COG5: variants seen among roughly 807,000 people sequenced by gnomAD.
The protein encoded by COG5 is conserved oligomeric Golgi complex subunit 5.
A neutral mutation model predicts 110.4 loss-of-function variants in COG5; 86 were observed. That is an observed-to-expected ratio of 0.78 (90% CI 0.65 to 0.93). The LOEUF is 0.93. Among genes scored for constraint, COG5 ranks in the 40% least tolerant of loss-of-function variants. The pLI is 0.00. For synonymous variants in COG5, 360 were observed against 334.6 expected (o/e 1.08, Z -0.83); for missense variants, 1,077 against 987.0 (o/e 1.09, Z -1.22).
intron 14 of COG5, among the ~76,000 whole-genome samples, chr7:107,260,846 A>T (rs1205210851): frequency 6.6e-6 from 1 of 152,208 alleles, no homozygotes; most frequent in Non-Finnish European, 1.5e-5. Context: ...TCTGCTGCTT[A>T]TCCTGATTTT....
intron 10 of COG5, among the ~76,000 whole-genome samples, chr7:107,339,303 C>G (rs927992664): frequency 6.6e-6 from 1 of 152,016 alleles, no homozygotes; most frequent in Non-Finnish European, 1.5e-5. Context: ...ATAAAGTGCT[C>G]AATTCAACAA....
At chr7:107,274,413 C>T (rs1185955956) in intron 14 of COG5, among the ~76,000 whole-genome samples, 1 of 152,080 alleles carries the variant, frequency 6.6e-6, no homozygotes, top group Admixed American at 6.6e-5. Flanking sequence ...ACTCTTCACC[C>T]CCTTTGTATC....
At chr7:107,546,563 G>C (rs113743312) in intron 5 of COG5, among the ~76,000 whole-genome samples, 1 of 150,966 alleles carries the variant, frequency 6.6e-6, no homozygotes, top group Admixed American at 6.6e-5. Flanking sequence ...AGCCTCCCGA[G>C]TATCTGGGAC....
intron 6 of COG5, among the ~76,000 whole-genome samples, chr7:107,440,963 T>G (rs1443337721): frequency 6.6e-6 from 1 of 152,040 alleles, no homozygotes; most frequent in African/African-American, 2.4e-5. Flanking sequence ...TAAAGAATTA[T>G]CAATCCCAGG....
chr7:107,451,230 T>C (rs560419838), intron 6 of COG5, among the ~76,000 whole-genome samples: 1 of 151,900 alleles, frequency 6.6e-6, no homozygotes, highest in African/African-American at 2.4e-5. Context: ...AAAGAAACCA[T>C]GAAAGAGATC....
At chr7:107,323,185 G>A (rs1425110064) in intron 11 of COG5, among the ~76,000 whole-genome samples, 1 of 152,118 alleles carries the variant, frequency 6.6e-6, no homozygotes, top group Non-Finnish European at 1.5e-5. Context: ...CAAAAACCAA[G>A]GAAATATACG....
At chr7:107,273,624 A>G (rs920383049) in intron 14 of COG5, among the ~76,000 whole-genome samples, 2 of 152,200 alleles carry the variant, frequency 1.3e-5, no homozygotes, top group African/African-American at 4.8e-5. Flanking sequence ...TAAATAACAA[A>G]TTTCAAAAAT....
At chr7:107,435,982 T>A (rs1350722514) in intron 6 of COG5, among the ~76,000 whole-genome samples, 1 of 152,186 alleles carries the variant, frequency 6.6e-6, no homozygotes, top group African/African-American at 2.4e-5. Context: ...TGAAATCACA[T>A]CATTCGTGGC....
chr7:107,384,830 C>G (rs1815439124), intron 7 of COG5, among the ~76,000 whole-genome samples: 1 of 152,174 alleles, frequency 6.6e-6, no homozygotes, highest in Admixed American at 6.5e-5. Context: ...ACTTTCCAAT[C>G]TCTAGAACTG....
intron 21 of COG5, 76 bp from the exon 22 acceptor site, chr7:107,203,706 A>G: frequency 1.1e-6 from 1 of 930,892 alleles, no homozygotes; most frequent in African/African-American, 1.6e-5. Flanking sequence ...CCAATATATA[A>G]AAATTATTAG....
chr7:107,283,489 A>C, intron 13 of COG5, 82 bp downstream of exon 13: 1 of 1,233,514 alleles, frequency 8.1e-7, no homozygotes, highest in Non-Finnish European at 1.2e-6. Context: ...TTTGAAAATA[A>C]ATTAAAAAGG....
intron 10 of COG5, among the ~76,000 whole-genome samples, chr7:107,351,310 A>C (rs551261418): frequency 6.6e-6 from 1 of 152,346 alleles, no homozygotes; most frequent in African/African-American, 2.4e-5. Flanking sequence ...AAATTAATTC[A>C]AGATGGATTA....
chr7:107,554,456 A>G, intron 2 of COG5, 114 bp from the exon 3 acceptor site: 1 of 922,166 alleles, frequency 1.1e-6, no homozygotes, highest in Non-Finnish European at 1.7e-6. Context: ...TACAAATACA[A>G]AAGAAAAAAC....
At chr7:107,492,480 G>T (rs1320553079) in intron 6 of COG5, among the ~76,000 whole-genome samples, 1 of 152,074 alleles carries the variant, frequency 6.6e-6, no homozygotes, top group Admixed American at 6.6e-5. Flanking sequence ...CCTTCTGGAG[G>T]CCCTTAGGGG....
intron 13 of COG5, among the ~76,000 whole-genome samples, chr7:107,283,175 C>G (rs1243318699): frequency 6.6e-6 from 1 of 152,120 alleles, no homozygotes; most frequent in Admixed American, 6.6e-5. Flanking sequence ...ATTCCTATTT[C>G]TGCCATGAAG....
chr7:107,307,744 T>G (rs1051957865), intron 11 of COG5, among the ~76,000 whole-genome samples: 6 of 152,068 alleles, frequency 3.9e-5, no homozygotes, highest in African/African-American at 1.4e-4. Flanking sequence ...TATAATGGAC[T>G]TTAGGGACAT....
chr7:107,283,881 T>C, intron 12 of COG5, 149 bp from the exon 13 acceptor site: 1 of 639,220 alleles, frequency 1.6e-6, no homozygotes, highest in Non-Finnish European at 2.7e-6. Flanking sequence ...TTTCACAACG[T>C]ACATATTTAC....
At position 107,319,866 on chromosome 7, in the gene COG5, C is replaced by T. The variant is rs917117917; in HGVS notation, c.1108+4574G>A. On this transcript the variant is annotated intron_variant, in intron 11 of 21. Coordinates refer to ENST00000297135, the MANE Select transcript of COG5 (RefSeq NM_006348.5). Reference sequence around the variant, plus strand: ...GGCCCAGCTACTCAGAAGGCCATGGCAGCAGGGTCACTGGAGGCCAGGAGT... The same window carrying T: ...GGCCCAGCTACTCAGAAGGCCATGGTAGCAGGGTCACTGGAGGCCAGGAGT... Among the ~76,000 whole-genome samples the T allele has an allele frequency of 2.6e-5, 4 of 152,070 alleles. No individual in the cohort carries two copies. In the East Asian group the frequency reaches 7.7e-4, roughly 29 times the overall value.
chr7:107,227,127 G>A (rs191099562), intron 19 of COG5, among the ~76,000 whole-genome samples: 4 of 152,292 alleles, frequency 2.6e-5, no homozygotes, highest in Admixed American at 2.6e-4. Context: ...GGCCTCGTGA[G>A]AAATCTGAGA....
Sources: allele counts gnomAD v4.1 joint callset (sites outside exome capture counted in the v4.1 genomes callset), GRCh38; gene constraint gnomAD v4.1.1; transcripts MANE v1.5; gene names NCBI Gene and HGNC (gene_info 2026-07-23, HGNC 2026-07-21).